ABLIM3: variants seen among roughly 807,000 people sequenced by gnomAD.
The protein encoded by ABLIM3 is actin binding LIM protein family member 3.
A neutral mutation model predicts 109.5 loss-of-function variants in ABLIM3; 61 were observed. The ratio of observed to expected loss-of-function variants is 0.56; its 90% CI spans 0.45 to 0.69. ABLIM3 has a LOEUF of 0.69. Ranked by LOEUF, ABLIM3 falls within the 30% of genes least tolerant of loss-of-function variation. ABLIM3 has a pLI of 0.00. For missense variants in ABLIM3, 796 were observed against 889.5 expected (o/e 0.89, Z 1.34); for synonymous variants, 300 against 324.8 (o/e 0.92, Z 0.82).
intron 3 of ABLIM3, among the ~76,000 whole-genome samples, chr5:149,185,362 C>T (rs545566043): frequency 1.3e-5 from 2 of 152,072 alleles, no homozygotes; most frequent in African/African-American, 4.8e-5. Context: ...ATGGTGGTCT[C>T]GGAGCTCCAA....
rs746200896 is a variant in ABLIM3 at position 149,247,896 on chromosome 5, C to A, written c.1666C>A (p.His556Asn). 7 of 1,614,118 alleles carry A rather than the reference C, an allele frequency of 4.3e-6. No homozygotes were observed. The highest frequency in any genetic ancestry group is 5.9e-6 in the Non-Finnish European group (7 of 1,180,046). Residue 556 changes from histidine to asparagine, a missense_variant, in exon 18 of 24, where the codon CAC (histidine) becomes AAC (asparagine). His to Asn is a moderately conservative substitution (Grantham distance 68). Coordinates refer to ENST00000309868, the MANE Select transcript of ABLIM3 (RefSeq NM_014945.5). Reference sequence around the variant, plus strand: ...CTCCACCAGCAGCCGGGAAGCCCTGCACACAGCTGGCTATGAGATGTCCCT... The same window carrying A: ...CTCCACCAGCAGCCGGGAAGCCCTGAACACAGCTGGCTATGAGATGTCCCT... Reference protein sequence around the residue: ...RSSTSSREALHTAGYEMSLNG... With the variant: ...RSSTSSREALNTAGYEMSLNG...
chr5:149,151,928 C>G (rs1753472776), intron 2 of ABLIM3, among the ~76,000 whole-genome samples: 1 of 152,190 alleles, frequency 6.6e-6, no homozygotes, highest in Non-Finnish European at 1.5e-5. Flanking sequence ...GTAAATAGAA[C>G]CAATGTGGCC....
Position 149,183,513 on chromosome 5 carries a change from C to T in ABLIM3, c.75C>T (p.Arg25=), listed in dbSNP as rs1670280711. ...RGSSNVIQCY[R]CGDTCKGEVV... is the part of the protein sequence containing the mutation. ...GCTCCAATGTCATCCAGTGCTACCG[C>T]TGTGGAGACACCTGCAAAGGGGAAG... is the stretch of plus-strand genomic sequence containing the variant. The change falls in exon 3 of 24, where the codon CGC becomes CGT. Residue 25 remains arginine (R), a synonymous_variant. Coordinates refer to ENST00000309868, the MANE Select transcript of ABLIM3 (RefSeq NM_014945.5). The T allele has an allele frequency of 6.2e-7, 1 of 1,600,692 alleles. No individual in the cohort carries two copies. The highest frequency in any genetic ancestry group is 1.1e-5 in the South Asian group (1 of 88,988).
At position 149,252,308 on chromosome 5, in the gene ABLIM3, A is replaced by G. The variant is rs867209866; in HGVS notation, c.1857+100A>G. ...ACAGCACTGTCTATGTAGGGAAGGG[A>G]ACATAGATAAATAACCCCAGGGGTC... On this transcript the variant is annotated intron_variant, in intron 22 of 23. Transcript: ENST00000309868. The G allele has an allele frequency of 1.7e-5, 23 of 1,353,692 alleles. No individual in the cohort carries two copies. In the South Asian group the frequency reaches 3.2e-4, roughly 19 times the overall value. 83.9% of individuals were successfully genotyped at this position (1,353,692 alleles called of 1,614,324 possible). A position where few individuals can be genotyped will look rare whatever the true frequency, so the allele number is the denominator to read the frequency against.
intron 7 of ABLIM3, among the ~76,000 whole-genome samples, chr5:149,212,533 G>A (rs1479248648): frequency 6.6e-6 from 1 of 152,182 alleles, no homozygotes. Context: ...ACCCAGGCAG[G>A]AAGGACTCAA....
At chr5:149,158,007 C>G (rs1179841085) in intron 2 of ABLIM3, among the ~76,000 whole-genome samples, 1 of 152,188 alleles carries the variant, frequency 6.6e-6, no homozygotes, top group Non-Finnish European at 1.5e-5. Context: ...TATCAACAGC[C>G]CAGCCATCTT....
chr5:149,191,897 G>A (rs544561353), intron 3 of ABLIM3, among the ~76,000 whole-genome samples: 88 of 152,002 alleles, frequency 5.8e-4, no homozygotes, highest in Middle Eastern at 3.4e-3. Flanking sequence ...TTGCTCTGTC[G>A]CCCAGGCTGG....
At chr5:149,170,082 A>G (rs1755237426) in intron 2 of ABLIM3, among the ~76,000 whole-genome samples, 2 of 152,152 alleles carry the variant, frequency 1.3e-5, no homozygotes, top group Non-Finnish European at 2.9e-5. Context: ...TCACCCAAGT[A>G]TTAAGCCTAC....
chr5:149,219,186 T>C (rs2127529015), intron 8 of ABLIM3: 1 of 152,332 alleles, frequency 6.6e-6, no homozygotes. Flanking sequence ...TTTGGTACCA[T>C]CCTTGGTCTC....
chr5:149,173,302 A>G (rs935044402), intron 2 of ABLIM3, among the ~76,000 whole-genome samples: 5 of 152,234 alleles, frequency 3.3e-5, no homozygotes, highest in African/African-American at 1.2e-4. Flanking sequence ...CTTTGGACAC[A>G]AAAAGGGGCC....
Position 149,246,490 on chromosome 5 carries a change from G to C in ABLIM3, c.1495G>C (p.Ala499Pro). 1 of 1,614,122 alleles carries C rather than the reference G, an allele frequency of 6.2e-7. No homozygotes were observed. Among genetic ancestry groups the C allele is most frequent in the Non-Finnish European group, 8.5e-7 (1 of 1,180,014 alleles). Residue 499 changes from alanine to proline, a missense_variant, in exon 17 of 24, where the codon GCC becomes CCC. Physicochemically the swap from Ala to Pro is conservative, Grantham distance 27. Transcript: ENST00000309868. ...TYHGSPKVPR[A>P]RRFSSGGEED... The stretch of plus-strand genomic sequence containing the variant: ...TTTCTGTCTTTTGACAGTGCCCCGA[G>C]CCAGAAGGTTCTCGTCTGGAGGAGA...
chr5:149,239,204 C>T (rs1159942186), intron 11 of ABLIM3, 44 bp from the exon 12 acceptor site: 1 of 1,608,376 alleles, frequency 6.2e-7, no homozygotes, highest in Non-Finnish European at 8.5e-7. Flanking sequence ...CCTCTCATTC[C>T]TTCTGCTCGT....
intron 2 of ABLIM3, among the ~76,000 whole-genome samples, chr5:149,167,954 T>C (rs1210029558): frequency 6.6e-6 from 1 of 152,160 alleles, no homozygotes; most frequent in Non-Finnish European, 1.5e-5. Flanking sequence ...AATTTTAGAC[T>C]AGATAATTCT....
intron 8 of ABLIM3, chr5:149,217,997 A>C (rs571483403): frequency 6.6e-6 from 1 of 152,388 alleles, no homozygotes; most frequent in African/African-American, 2.4e-5. Flanking sequence ...GTTATGAAGG[A>C]GAGAAGTGTG....
At chr5:149,237,104 T>G (rs768868743) in intron 10 of ABLIM3, among the ~76,000 whole-genome samples, 2 of 152,176 alleles carry the variant, frequency 1.3e-5, no homozygotes, top group Non-Finnish European at 2.9e-5. Context: ...AGCTTAGTGG[T>G]GCAAACTGTA....
chr5:149,259,536 T>C lies in ABLIM3; in HGVS notation c.*1132T>C. 3 of 1,536,310 alleles carry C rather than the reference T, an allele frequency of 2.0e-6. No individual in the cohort carries two copies. Among genetic ancestry groups the C allele is most frequent in the Middle Eastern group, 1.7e-4 (1 of 5,990 alleles). ...TCGGCTCCTGCTGCAAAGTTGGCCA[T>C]GTTTCACAGGGAAACTTTTGGAAGA... On this transcript the variant is annotated 3_prime_UTR_variant, in exon 24 of 24. Transcript: ENST00000309868.
At chr5:149,237,060 A>T (rs1752277540) in intron 10 of ABLIM3, among the ~76,000 whole-genome samples, 1 of 152,212 alleles carries the variant, frequency 6.6e-6, no homozygotes, top group South Asian at 2.1e-4. Context: ...GTCAGTACCC[A>T]GGCTGTGTAG....
intron 14 of ABLIM3, among the ~76,000 whole-genome samples, chr5:149,241,814 A>C (rs541451753): frequency 6.6e-6 from 1 of 152,308 alleles, no homozygotes; most frequent in Admixed American, 6.5e-5. Flanking sequence ...AAGACATCCC[A>C]GGCAGAGGGA....
At chr5:149,257,795 T>C (rs1300123117) in intron 23 of ABLIM3, among the ~76,000 whole-genome samples, 1 of 152,216 alleles carries the variant, frequency 6.6e-6, no homozygotes, top group African/African-American at 2.4e-5. Context: ...GAATCAAAAA[T>C]TAAGAGCAGA....
Sources: gnomAD v4.1 joint callset for allele counts (sites outside exome capture counted in the v4.1 genomes callset) on GRCh38, gnomAD v4.1.1 for gene constraint, MANE v1.5 for transcripts, NCBI Gene and HGNC (gene_info 2026-07-23, HGNC 2026-07-21) for gene names.